CD4: variants seen among roughly 807,000 people sequenced by gnomAD.
CD4 encodes the protein T-cell surface glycoprotein CD4.
A neutral mutation model predicts 50.5 loss-of-function variants in CD4; 25 were observed. The observed-to-expected ratio is 0.49, with a 90% confidence interval of 0.36 to 0.69. CD4 has a LOEUF of 0.69. Among genes scored for constraint, CD4 ranks in the 30% least tolerant of loss-of-function variants. The pLI, the probability that CD4 is intolerant of heterozygous loss-of-function variation, is 0.00. For missense variants in CD4, 456 were observed against 548.5 expected (o/e 0.83, Z 1.68); for synonymous variants, 207 against 221.9 (o/e 0.93, Z 0.60).
chr12:6,801,629 T>C (rs1257184406), intron 3 of CD4, among the ~76,000 whole-genome samples: 9 of 151,394 alleles, frequency 5.9e-5, no homozygotes, highest in African/African-American at 2.2e-4. Context: ...GGCGTGATCT[T>C]GGCTCATTGC....
chr12:6,811,475 TTTTTC>T (rs1208717610), intron 3 of CD4, among the ~76,000 whole-genome samples: 1 of 142,796 alleles, frequency 7.0e-6, no homozygotes, highest in Non-Finnish European at 1.5e-5. Context: ...TTTCTTTTCT[TTTTTC>T]TTTTCTTTTT....
At chr12:6,790,812 A>G (rs554661468) in intron 1 of CD4, among the ~76,000 whole-genome samples, 249 of 152,330 alleles carry the variant, frequency 1.6e-3, no homozygotes, top group Middle Eastern at 3.4e-3. Context: ...CAAAACGGAA[A>G]GGCCCTGTTC....
At chr12:6,801,454 C>T (rs1555115237) in intron 3 of CD4, among the ~76,000 whole-genome samples, 1 of 146,508 alleles carries the variant, frequency 6.8e-6, no homozygotes, top group Non-Finnish European at 1.5e-5. Flanking sequence ...GAGGCAAAGG[C>T]TGCAGTGAGC....
chr12:6,818,825 TC>T lies in CD4; in HGVS notation c.1279-19del, dbSNP rs1555118542. ...TCTGGAGGCCTGGGACCCTCGTGAC[TC>T]CCTTTCTTGTCCCTGGACAGCGCCA... On this transcript the variant is annotated intron_variant, in intron 8 of 9. Coordinates refer to ENST00000011653, the MANE Select transcript of CD4 (RefSeq NM_000616.5). The surrounding 1 kb of genome is among the most constrained non-coding windows in gnomAD (Gnocchi z 5.0). 3.1e-6 allele frequency: 5 copies of T among 1,610,420 alleles called. No individual in the cohort carries two copies. In the South Asian group the frequency reaches 3.3e-5, roughly 11 times the overall value.
chr12:6,818,333 G>T lies in CD4; in HGVS notation c.1157-88G>T. ...CCCCCAACCCCAGGGTCAAACCAGA[G>T]ACTGGCCAGGAGGGATTGCAGGGCA... On this transcript the variant is annotated intron_variant, in intron 7 of 9. Transcript: ENST00000011653. This position sits in a 1 kb window ranked among gnomAD's most constrained non-coding sequence, Gnocchi z 5.0. 2 of 1,533,684 alleles carry T rather than the reference G, an allele frequency of 1.3e-6. No homozygotes were observed. Among genetic ancestry groups the T allele is most frequent in the South Asian group, 1.1e-5 (1 of 87,022 alleles).
intron 3 of CD4, among the ~76,000 whole-genome samples, chr12:6,801,709 T>C (rs1466286396): frequency 6.7e-5 from 10 of 150,320 alleles, no homozygotes; most frequent in Admixed American, 1.3e-4. Flanking sequence ...TACAGGCGTA[T>C]GCCACCATGC....
At chr12:6,806,748 A>G (rs1356413624) in intron 3 of CD4, among the ~76,000 whole-genome samples, 1 of 152,240 alleles carries the variant, frequency 6.6e-6, no homozygotes, top group Non-Finnish European at 1.5e-5. Context: ...CAGAATGGCT[A>G]AATACAAAAT....
rs150214728 is a variant in CD4 at position 6,803,102 on chromosome 12, A to C, written c.214+2631A>C. ...AAACTCTAAAACCCTTGGACCTAATAATAGCTATTTTGGAAAGTCTACTTG... is the reference window on the plus strand; with the variant it reads ...AAACTCTAAAACCCTTGGACCTAATCATAGCTATTTTGGAAAGTCTACTTG... On this transcript the variant is annotated intron_variant, in intron 3 of 9. Transcript: ENST00000011653. Among the ~76,000 whole-genome samples, 16 of 152,198 alleles carry C rather than the reference A, an allele frequency of 1.1e-4. No individual in the cohort carries two copies. The East Asian group carries it at 2.9e-3, about 28-fold the overall frequency.
chr12:6,791,607 G>A (rs1251496533), intron 1 of CD4, among the ~76,000 whole-genome samples: 3 of 152,188 alleles, frequency 2.0e-5, no homozygotes, highest in African/African-American at 4.8e-5. Context: ...TGGGCCGGGC[G>A]TGGTGGCCCA....
chr12:6,801,552 A>G (rs1294977349), intron 3 of CD4, among the ~76,000 whole-genome samples: 2 of 147,882 alleles, frequency 1.4e-5, no homozygotes, highest in Admixed American at 1.3e-4. Flanking sequence ...TATTATTATT[A>G]TTATTAGTTT....
At chr12:6,803,595 TA>T (rs2137874052) in intron 3 of CD4, among the ~76,000 whole-genome samples, 1 of 149,854 alleles carries the variant, frequency 6.7e-6, no homozygotes, top group Admixed American at 6.6e-5. Flanking sequence ...TCATCCTGGC[TA>T]ACACGGTGAA....
intron 1 of CD4, chr12:6,798,847 A>G (rs1942455182): frequency 6.6e-6 from 1 of 152,314 alleles, no homozygotes; most frequent in Non-Finnish European, 1.5e-5. Flanking sequence ...GCAGGGGTCC[A>G]CGTGGCAAAT....
At chr12:6,808,482 A>AAAAAAAAAT (rs1942841700) in intron 3 of CD4, among the ~76,000 whole-genome samples, 3 of 135,358 alleles carry the variant, frequency 2.2e-5, no homozygotes, top group Non-Finnish European at 3.0e-5. Flanking sequence ...AAAAAAAAAA[A>AAAAAAAAAT]GTGAAGTTTA....
At chr12:6,800,916 T>A (rs183294719) in intron 3 of CD4, among the ~76,000 whole-genome samples, 7,260 of 142,240 alleles carry the variant, frequency 0.051, 331 homozygotes, top group African/African-American at 0.15. Flanking sequence ...ATATATATAT[T>A]TTTTTTGGAG....
chr12:6,790,622 A>G (rs1942128168), intron 1 of CD4, among the ~76,000 whole-genome samples: 1 of 152,128 alleles, frequency 6.6e-6, no homozygotes, highest in Non-Finnish European at 1.5e-5. Flanking sequence ...TGTGAGGGAG[A>G]GTGAGGACTC....
intron 1 of CD4, among the ~76,000 whole-genome samples, chr12:6,790,916 A>G (rs1271836608): frequency 6.6e-6 from 1 of 152,256 alleles, no homozygotes; most frequent in Non-Finnish European, 1.5e-5. Context: ...GGCTAAGAGC[A>G]GGGCCTGATG....
chr12:6,815,235 A>G (rs1473268975), intron 5 of CD4, among the ~76,000 whole-genome samples: 1 of 152,076 alleles, frequency 6.6e-6, no homozygotes, highest in Non-Finnish European at 1.5e-5. Flanking sequence ...GAAGGTAAGG[A>G]TGCTAGAGGC....
intron 3 of CD4, among the ~76,000 whole-genome samples, chr12:6,805,161 G>A (rs566384269): frequency 7.9e-6 from 1 of 126,654 alleles, no homozygotes; most frequent in Non-Finnish European, 1.6e-5. Context: ...TTCCAGCCTC[G>A]GTAGGAGAGC....
rs1025914553 is a variant in CD4, at chr12:6,814,627, G to T, written c.374-132G>T. On this transcript the variant is annotated intron_variant, in intron 4 of 9. Transcript: ENST00000011653. Reference sequence around the variant, plus strand: ...GAGGGAAACCCTATCTTGGCTGGGGGTGCGCAGCTGGGTGCTGGGAGGAAG... The same window carrying T: ...GAGGGAAACCCTATCTTGGCTGGGGTTGCGCAGCTGGGTGCTGGGAGGAAG... The T allele has an allele frequency of 3.8e-5, 30 of 788,084 alleles. No individual in the cohort carries two copies. In the African/African-American group the frequency reaches 4.8e-4, roughly 13 times the overall value. The allele number at this position is 788,084 out of a possible 1,614,324, so 48.8% of individuals were successfully genotyped here.
Sources: allele counts gnomAD v4.1 joint callset (sites outside exome capture counted in the v4.1 genomes callset), GRCh38; gene constraint gnomAD v4.1.1; non-coding constraint Gnocchi (gnomAD v3.1); transcripts MANE v1.5; gene names NCBI Gene and HGNC (gene_info 2026-07-23, HGNC 2026-07-21).